PTDSS2: variants seen among roughly 807,000 people sequenced by gnomAD.
PTDSS2 encodes the protein PSS-2.
Under a neutral mutation model 64.7 loss-of-function variants are expected in PTDSS2, and 41 were observed. That is an observed-to-expected ratio of 0.63 (90% CI 0.49 to 0.82). The LOEUF (loss-of-function observed/expected upper bound fraction) is 0.82, where lower values mean the gene tolerates loss of function less well. PTDSS2 is among the 40% of genes least tolerant of loss of function. The pLI is 0.00. For synonymous variants in PTDSS2, 297 were observed against 277.8 expected (o/e 1.07, Z -0.69); for missense variants, 485 against 650.0 (o/e 0.75, Z 2.76).
At chr11:486,178 G>T (rs1414559891) in intron 4 of PTDSS2, among the ~76,000 whole-genome samples, 1 of 152,208 alleles carries the variant, frequency 6.6e-6, no homozygotes, top group African/African-American at 2.4e-5. Flanking sequence ...CCAAAAGCCT[G>T]CCTTGCCCTA....
chr11:474,048 C>A, intron 3 of PTDSS2, 71 bp downstream of exon 3: 1 of 1,283,170 alleles, frequency 7.8e-7, no homozygotes, highest in Non-Finnish European at 1.1e-6. Flanking sequence ...TGTGTCTGTG[C>A]TGCTGGGTGT....
In PTDSS2 at chr11:462,881, C is replaced by T. The variant is rs1054642085; in HGVS notation, c.284+2593C>T. 2 of 152,122 alleles carry T rather than the reference C, an allele frequency of 1.3e-5. No homozygotes were observed. Among genetic ancestry groups the T allele is most frequent in the Non-Finnish European group, 1.5e-5 (1 of 68,016 alleles). The allele number at this position is 152,122 out of a possible 1,614,324, so 9.4% of individuals were successfully genotyped here. A position where few individuals can be genotyped will look rare whatever the true frequency, so the allele number is the denominator to read the frequency against. On this transcript the variant is annotated intron_variant, in intron 2 of 11. Coordinates refer to ENST00000308020, the MANE Select transcript of PTDSS2 (RefSeq NM_030783.3). This position sits in a 1 kb window ranked among gnomAD's most constrained non-coding sequence, Gnocchi z 4.5. ...GTAGATTTTCTTATATAGAAAATAC[C>T]TTCTAGGCCAGGCGCGGTGGCTCAC...
At chr11:455,572 A>G (rs566830439) in intron 1 of PTDSS2, among the ~76,000 whole-genome samples, 68 of 152,294 alleles carry the variant, frequency 4.5e-4, no homozygotes, top group African/African-American at 1.5e-3. Context: ...TGGCTCCTCC[A>G]AAGGTCACTT....
At chr11:489,851 C>G (rs1368395216) in intron 10 of PTDSS2, 32 bp from the exon 11 acceptor site, 2 of 1,553,550 alleles carry the variant, frequency 1.3e-6, no homozygotes, top group Admixed American at 3.9e-5. Context: ...CCTGCGGGGC[C>G]CGGGACGCTG....
At chr11:468,672 GCT>G (rs1266576616) in intron 2 of PTDSS2, among the ~76,000 whole-genome samples, 3 of 152,234 alleles carry the variant, frequency 2.0e-5, no homozygotes, top group African/African-American at 7.2e-5. Flanking sequence ...CTGACTGGCA[GCT>G]CTGTCACTGT....
At chr11:449,068 A>ATTTTT (rs33967553), upstream of PTDSS2, among the ~76,000 whole-genome samples, 11 of 136,318 alleles carry the variant, frequency 8.1e-5, 2 homozygotes, top group Non-Finnish European at 1.1e-4. Context: ...TTCACCTAGC[A>ATTTTT]TTTTTTTTTT....
At chr11:464,747 A>G (rs1424569020) in intron 2 of PTDSS2, among the ~76,000 whole-genome samples, 1 of 152,232 alleles carries the variant, frequency 6.6e-6, no homozygotes, top group East Asian at 1.9e-4. Context: ...TCACCAGTCC[A>G]TTACATTTTT....
At chr11:464,347 C>T (rs1027539373) in intron 2 of PTDSS2, among the ~76,000 whole-genome samples, 1 of 152,208 alleles carries the variant, frequency 6.6e-6, no homozygotes, top group Admixed American at 6.5e-5. Context: ...GTCTGATTCA[C>T]GCGTACGGCT....
rs115521986 is a variant in PTDSS2, at chr11:458,206, T to A, written c.183-1981T>A. Among the ~76,000 whole-genome samples the A allele has an allele frequency of 3.6e-3, 532 of 149,160 alleles. 1 individual carries two copies. The highest frequency in any genetic ancestry group is 0.012 in the African/African-American group (507 of 40,702). On this transcript the variant is annotated intron_variant, in intron 1 of 11. Transcript: ENST00000308020. ...ATAAATTCTGGATAAAAAGTATTTT[T>A]TTTCTTTTTTTTTTTTGAGATTGAG...
chr11:490,731 G>A lies in PTDSS2; in HGVS notation c.*149G>A. On this transcript the variant is annotated 3_prime_UTR_variant, in exon 12 of 12. Coordinates refer to ENST00000308020, the MANE Select transcript of PTDSS2 (RefSeq NM_030783.3). ...CACCTGGCGAGGCTGAAGGCGAGGGGTGGAGGAGGCCCCAGCACAGCCTCA... is the reference window on the plus strand; with the variant it reads ...CACCTGGCGAGGCTGAAGGCGAGGGATGGAGGAGGCCCCAGCACAGCCTCA... 1 of 763,990 alleles carries A rather than the reference G, an allele frequency of 1.3e-6. No homozygotes were observed. The highest frequency in any genetic ancestry group is 2.1e-6 in the Non-Finnish European group (1 of 485,032). The allele number at this position is 763,990 out of a possible 1,614,324, so 47.3% of individuals were successfully genotyped here. A position where few individuals can be genotyped will look rare whatever the true frequency, so the allele number is the denominator to read the frequency against.
intron 2 of PTDSS2, among the ~76,000 whole-genome samples, chr11:469,995 A>G (rs187033427): frequency 1.3e-5 from 2 of 152,226 alleles, no homozygotes; most frequent in African/African-American, 2.4e-5. Context: ...CCATAGTGAT[A>G]TAAGTGATTG....
At chr11:489,840 C>A in intron 10 of PTDSS2, 43 bp from the exon 11 acceptor site, 1 of 1,544,910 alleles carries the variant, frequency 6.5e-7, no homozygotes. Context: ...GCCTGGAGGA[C>A]CCTGCGGGGC....
rs181534858 is a variant in PTDSS2 at position 461,454 on chromosome 11, T to C, written c.284+1166T>C. Among the ~76,000 whole-genome samples the C allele has an allele frequency of 1.3e-5, 2 of 152,196 alleles. No homozygotes were observed. The highest frequency in any genetic ancestry group is 1.9e-4 in the East Asian group (1 of 5,158). On this transcript the variant is annotated intron_variant, in intron 2 of 11. Transcript: ENST00000308020. This position sits in a 1 kb window ranked among gnomAD's most constrained non-coding sequence, Gnocchi z 4.2. ...GGGCATTTCTGGTTAGAAATTACTGTTGAGGTGCCTGGACCCAGGACTCTG... is the reference window on the plus strand; with the variant it reads ...GGGCATTTCTGGTTAGAAATTACTGCTGAGGTGCCTGGACCCAGGACTCTG...
chr11:460,325 C>G lies in PTDSS2; in HGVS notation c.284+37C>G. 6.4e-7 allele frequency: 1 copy of G among 1,555,680 alleles called. No homozygotes were observed. The highest frequency in any genetic ancestry group is 1.1e-5 in the South Asian group (1 of 89,392). ...TCTTGTCCTGCCTTCTGAAACTGCC[C>G]TGTGCCCCGTGTGGTGGGTGTGGCA... On this transcript the variant is annotated intron_variant, in intron 2 of 11. Coordinates refer to ENST00000308020, the MANE Select transcript of PTDSS2 (RefSeq NM_030783.3). This position sits in a 1 kb window ranked among gnomAD's most constrained non-coding sequence, Gnocchi z 5.8.
intron 1 of PTDSS2, among the ~76,000 whole-genome samples, chr11:452,296 G>T (rs1846370390): frequency 6.6e-6 from 1 of 152,244 alleles, no homozygotes; most frequent in South Asian, 2.1e-4. Context: ...TAAACAAGAA[G>T]CTTAGATTCT....
Position 490,811 on chromosome 11 carries a change from C to CGTGTGTATGT in PTDSS2, c.*230_*231insTGTGTATGTG, listed in dbSNP as rs149316958. On this transcript the variant is annotated 3_prime_UTR_variant, in exon 12 of 12. Coordinates refer to ENST00000308020, the MANE Select transcript of PTDSS2 (RefSeq NM_030783.3). ...ATGCGTGTGTGTACGCGTGTGTACG[C>CGTGTGTATGT]GCGTGTGTACACATGCGTGGCCGCC... 11 of 581,980 alleles carry CGTGTGTATGT rather than the reference C, an allele frequency of 1.9e-5. No individual in the cohort carries two copies. The highest frequency in any genetic ancestry group is 1.3e-4 in the Admixed American group (4 of 31,884). The allele number at this position is 581,980 out of a possible 1,614,324, so 36.1% of individuals were successfully genotyped here. A position where few individuals can be genotyped will look rare whatever the true frequency, so the allele number is the denominator to read the frequency against.
Position 460,458 on chromosome 11 carries a change from C to T in PTDSS2, c.284+170C>T, listed in dbSNP as rs898537260. ...TCTGATGTGCAGACTCCAGGGCTGC[C>T]CTTGGTGCTGCGTGGCGTTCCCGGT... On this transcript the variant is annotated intron_variant, in intron 2 of 11. Transcript: ENST00000308020. This position sits in a 1 kb window ranked among gnomAD's most constrained non-coding sequence, Gnocchi z 5.8. 3 of 591,636 alleles carry T rather than the reference C, an allele frequency of 5.1e-6. No homozygotes were observed. In the African/African-American group the frequency reaches 5.6e-5, roughly 11 times the overall value. 36.6% of individuals were successfully genotyped at this position (591,636 alleles called of 1,614,324 possible).
intron 2 of PTDSS2, among the ~76,000 whole-genome samples, chr11:468,890 G>A (rs941978717): frequency 1.3e-5 from 2 of 148,642 alleles, no homozygotes; most frequent in Admixed American, 6.7e-5. Context: ...AGAAGGAGGG[G>A]AGTCTCTGGG....
rs541376723 is a variant in PTDSS2 at position 476,083 on chromosome 11, C to T, written c.367+2106C>T. ...CAGAGGCCCTGAGCAGGGAGCCGTCCGGTGACCCAAGCAGGCTGGTCTTGC... is the reference window on the plus strand; with the variant it reads ...CAGAGGCCCTGAGCAGGGAGCCGTCTGGTGACCCAAGCAGGCTGGTCTTGC... On this transcript the variant is annotated intron_variant, in intron 3 of 11. Coordinates refer to ENST00000308020, the MANE Select transcript of PTDSS2 (RefSeq NM_030783.3). The surrounding 1 kb of genome is among the most constrained non-coding windows in gnomAD (Gnocchi z 4.9). 4.1e-4 allele frequency among the ~76,000 whole-genome samples: 62 copies of T among 152,302 alleles called. No homozygotes were observed. The highest frequency in any genetic ancestry group is 1.4e-3 in the African/African-American group (57 of 41,562).
Sources: allele counts gnomAD v4.1 joint callset (sites outside exome capture counted in the v4.1 genomes callset), GRCh38; gene constraint gnomAD v4.1.1; non-coding constraint Gnocchi (gnomAD v3.1); transcripts MANE v1.5; gene names NCBI Gene and HGNC (gene_info 2026-07-23, HGNC 2026-07-21).